Variants in DYNC2H1 observed in about 807,000 individuals in gnomAD.
DYNC2H1 encodes dynein cytoplasmic 2 heavy chain 1.
DYNC2H1 carries 410 observed loss-of-function variants against 570.0 expected under a neutral mutation model. The ratio of observed to expected loss-of-function variants is 0.72; its 90% CI spans 0.66 to 0.78. DYNC2H1 has a LOEUF of 0.78. Among genes scored for constraint, DYNC2H1 ranks in the 30% least tolerant of loss-of-function variants. The pLI is 0.00. For missense variants in DYNC2H1, 4,865 were observed against 5,046.4 expected (o/e 0.96, Z 1.09); for synonymous variants, 1,688 against 1,677.6 (o/e 1.01, Z -0.15).
chr11:103,456,181 A>ATTT lies in DYNC2H1; in HGVS notation c.12567-94_12567-93insTTT, dbSNP rs1279873777. 1.1e-3 allele frequency: 987 copies of ATTT among 906,786 alleles called. 7 individuals are homozygous for ATTT. In the African/African-American group the frequency reaches 0.015, roughly 14 times the overall value. The allele number at this position is 906,786 out of a possible 1,614,324, so 56.2% of individuals were successfully genotyped here. A position where few individuals can be genotyped will look rare whatever the true frequency, so the allele number is the denominator to read the frequency against. On this transcript the variant is annotated intron_variant, in intron 86 of 88. Coordinates refer to ENST00000375735, the MANE Select transcript of DYNC2H1 (RefSeq NM_001377.3). Reference sequence around the variant, plus strand: ...ATTATTTACACATGGTAAATATTTTAATTTTAAATAAATAGGACTATATCT... The same window carrying ATTT: ...ATTATTTACACATGGTAAATATTTTATTTATTTTAAATAAATAGGACTATATCT...
At chr11:103,113,226 C>CTCTGGCTGGAATGGAA (rs1016701144) in intron 1 of DYNC2H1, among the ~76,000 whole-genome samples, 38 of 152,114 alleles carry the variant, frequency 2.5e-4, no homozygotes, top group Middle Eastern at 3.4e-3. Flanking sequence ...CTAGAATGGA[C>CTCTGGCTGGAATGGAA]TCTGGCTGGA....
rs34485670 is a variant in DYNC2H1 at position 103,443,660 on chromosome 11, G to GT, written c.12456+7638dup. On this transcript the variant is annotated intron_variant, in intron 85 of 88. Coordinates refer to ENST00000375735, the MANE Select transcript of DYNC2H1 (RefSeq NM_001377.3). ...TAATCTATGTCAGTGATTTTGACAA[G>GT]TTTTTTTTTTAACCTCCATAGATTC... Among the ~76,000 whole-genome samples, 702 of 149,632 alleles carry GT rather than the reference G, an allele frequency of 4.7e-3. 4 individuals carry two copies. Among genetic ancestry groups the GT allele is most frequent in the African/African-American group, 0.015 (630 of 41,044 alleles).
chr11:103,343,652 C>G (rs1939593812), intron 82 of DYNC2H1, among the ~76,000 whole-genome samples: 1 of 152,138 alleles, frequency 6.6e-6, no homozygotes, highest in Non-Finnish European at 1.5e-5. Flanking sequence ...GTCACTCTTC[C>G]AAAACCACCT....
intron 84 of DYNC2H1, chr11:103,401,919 G>A (rs184878769): frequency 7.2e-5 from 11 of 152,156 alleles, no homozygotes; most frequent in African/African-American, 2.4e-4. Context: ...GTTAGGGCCT[G>A]GAATAAGATA....
chr11:103,291,229 G>A (rs1866583740), intron 75 of DYNC2H1, among the ~76,000 whole-genome samples: 3 of 152,088 alleles, frequency 2.0e-5, no homozygotes, highest in Admixed American at 1.3e-4. Flanking sequence ...CCTGAGGTCG[G>A]GAGTTTGAGA....
chr11:103,246,850 C>G (rs1423918521), intron 65 of DYNC2H1, among the ~76,000 whole-genome samples: 1 of 152,016 alleles, frequency 6.6e-6, no homozygotes, highest in African/African-American at 2.4e-5. Flanking sequence ...ATACAAATTA[C>G]TTTTCTACTT....
chr11:103,245,506 A>T lies in DYNC2H1; in HGVS notation c.10042+132A>T, dbSNP rs1032915080. On this transcript the variant is annotated intron_variant, in intron 65 of 88. Coordinates refer to ENST00000375735, the MANE Select transcript of DYNC2H1 (RefSeq NM_001377.3). The surrounding 1 kb of genome is among the most constrained non-coding windows in gnomAD (Gnocchi z 4.5). Reference sequence around the variant, plus strand: ...TGATGGGCTTACTTCCTTCAGCAATATGTGTAAAGTTGTGACAATATGTGT... The same window carrying T: ...TGATGGGCTTACTTCCTTCAGCAATTTGTGTAAAGTTGTGACAATATGTGT... 1 of 885,812 alleles carries T rather than the reference A, an allele frequency of 1.1e-6. No homozygotes were observed. 54.9% of individuals were successfully genotyped at this position (885,812 alleles called of 1,614,324 possible).
chr11:103,193,156 A>G (rs1050768195), intron 47 of DYNC2H1, among the ~76,000 whole-genome samples: 1 of 152,216 alleles, frequency 6.6e-6, no homozygotes, highest in African/African-American at 2.4e-5. Flanking sequence ...GAGTTTTTGA[A>G]TCAGGAAATG....
chr11:103,254,794 C>T lies in DYNC2H1; in HGVS notation c.10207-621C>T, dbSNP rs1453910708. On this transcript the variant is annotated intron_variant, in intron 66 of 88. Coordinates refer to ENST00000375735, the MANE Select transcript of DYNC2H1 (RefSeq NM_001377.3). The surrounding 1 kb of genome is among the most constrained non-coding windows in gnomAD (Gnocchi z 4.9). ...TTTATTTTATTTTATTTTTTTGAGA[C>T]GGAGTCTGGCACTGTTGCCCAGGCT... is the stretch of plus-strand genomic sequence containing the variant. Among the ~76,000 whole-genome samples the T allele has an allele frequency of 3.3e-5, 5 of 151,842 alleles. No individual in the cohort carries two copies. The highest frequency in any genetic ancestry group is 9.7e-5 in the African/African-American group (4 of 41,342).
At chr11:103,354,259 T>C (rs1375204136) in intron 82 of DYNC2H1, among the ~76,000 whole-genome samples, 2 of 151,704 alleles carry the variant, frequency 1.3e-5, no homozygotes, top group Non-Finnish European at 1.5e-5. Context: ...GGCCTTCTAC[T>C]CTACCCTTGT....
intron 83 of DYNC2H1, among the ~76,000 whole-genome samples, chr11:103,367,423 C>A (rs961403055): frequency 1.3e-5 from 2 of 151,956 alleles, no homozygotes; most frequent in African/African-American, 4.8e-5. Flanking sequence ...AGTAGAAACC[C>A]AGGTTTTTCT....
chr11:103,181,890 A>ACC lies in DYNC2H1; in HGVS notation c.6477+4_6477+5insCC. 1 of 1,600,192 alleles carries ACC rather than the reference A, an allele frequency of 6.2e-7. No homozygotes were observed. Among genetic ancestry groups the ACC allele is most frequent in the Non-Finnish European group, 8.5e-7 (1 of 1,172,848 alleles). ...TTTACAATGGGTTCTAAAGCAGGTA[A>ACC]ATTAACCATAATATTTCATAATTAA... On this transcript the variant is annotated splice_donor_region_variant and intron_variant, in intron 40 of 88. Transcript: ENST00000375735. The surrounding 1 kb of genome is among the most constrained non-coding windows in gnomAD (Gnocchi z 5.0).
At chr11:103,456,182 AT>A in intron 86 of DYNC2H1, 92 bp from the exon 87 acceptor site, 1 of 925,186 alleles carries the variant, frequency 1.1e-6, no homozygotes, top group South Asian at 2.4e-5. Flanking sequence ...AAATATTTTA[AT>A]TTTAAATAAA....
intron 15 of DYNC2H1, 73 bp from the exon 16 acceptor site, chr11:103,135,422 C>T: frequency 1.5e-6 from 2 of 1,309,244 alleles, no homozygotes; most frequent in East Asian, 2.7e-5. Context: ...CATTATGTGA[C>T]ATGAAAGTAT....
chr11:103,382,382 T>C (rs191798973), intron 83 of DYNC2H1, among the ~76,000 whole-genome samples: 163 of 152,334 alleles, frequency 1.1e-3, no homozygotes, highest in South Asian at 2.5e-3. Context: ...AAATTAAACT[T>C]GTAGACTTGG....
intron 84 of DYNC2H1, chr11:103,407,503 G>C (rs373859210): frequency 6.6e-6 from 1 of 151,908 alleles, no homozygotes; most frequent in Admixed American, 6.6e-5. Context: ...GAATGCTAGC[G>C]TAAGTGGTAG....
Position 103,109,640 on chromosome 11 carries a change from G to C in DYNC2H1, c.66G>C (p.Gly22=). 1.2e-6 allele frequency: 2 copies of C among 1,613,924 alleles called. No individual in the cohort carries two copies. The highest frequency in any genetic ancestry group is 2.2e-5 in the South Asian group (2 of 91,084). ...FIFTTTQNYF[G]LMSELWDQPL... ...TCACTACTACCCAGAATTACTTCGGGTTGATGTCTGAACTCTGGGATCAGC... is the reference window on the plus strand; with the variant it reads ...TCACTACTACCCAGAATTACTTCGGCTTGATGTCTGAACTCTGGGATCAGC... The change falls in exon 1 of 89, where the codon GGG becomes GGC. Residue 22 remains glycine (G), a synonymous_variant. Coordinates refer to ENST00000375735, the MANE Select transcript of DYNC2H1 (RefSeq NM_001377.3).
intron 1 of DYNC2H1, 111 bp from the exon 2 acceptor site, chr11:103,113,426 A>T (rs1156284011): frequency 1.2e-6 from 1 of 803,198 alleles, no homozygotes; most frequent in Non-Finnish European, 1.8e-6. Context: ...TTTATTTTTA[A>T]AGTAACTATT....
At position 103,197,944 on chromosome 11, in the gene DYNC2H1, G is replaced by A. The variant is rs1862566011; in HGVS notation, c.7720G>A (p.Val2574Ile). The A allele has an allele frequency of 3.8e-6, 6 of 1,569,164 alleles. No homozygotes were observed. Among genetic ancestry groups the A allele is most frequent in the Non-Finnish European group, 5.2e-6 (6 of 1,156,224 alleles). The change falls in exon 48 of 89, where the codon GTT (valine) becomes ATT (isoleucine). Residue 2574 changes from valine to isoleucine, a missense_variant. Around this residue, in one of 5 missense-constraint regions of DYNC2H1, gnomAD observed 2,401 missense variants for 2,454.6 expected, o/e 0.98. Transcript: ENST00000375735. ...ATTTATTTCCACAGATAGTTTCTACGTTACATGGGGAGCTCGGCATAATTC... is the reference window on the plus strand; with the variant it reads ...ATTTATTTCCACAGATAGTTTCTACATTACATGGGGAGCTCGGCATAATTC... Reference protein sequence around the residue: ...ILDNMSDSFYVTWGARHNSGA... With the variant: ...ILDNMSDSFYITWGARHNSGA...
Sources: gnomAD v4.1 joint callset for allele counts (sites outside exome capture counted in the v4.1 genomes callset) on GRCh38, gnomAD v4.1.1 for gene constraint, gnomAD v4.1.1 regional missense constraint, Gnocchi (gnomAD v3.1) non-coding constraint, MANE v1.5 for transcripts, NCBI Gene and HGNC (gene_info 2026-07-23, HGNC 2026-07-21) for gene names.